Variants in SPINK5 observed in about 807,000 individuals in gnomAD.
SPINK5 encodes the protein serine peptidase inhibitor Kazal type 5, also known as serine protease inhibitor Kazal-type 5.
SPINK5 carries 125 observed loss-of-function variants against 151.8 expected under a neutral mutation model. That is an observed-to-expected ratio of 0.82 (90% CI 0.71 to 0.96). SPINK5 has a LOEUF of 0.96. Among genes scored for constraint, SPINK5 ranks in the 40% least tolerant of loss-of-function variants. The pLI is 0.00. For missense variants in SPINK5, 1,194 were observed against 1,291.9 expected, an observed-to-expected ratio of 0.92 and a Z score of 1.16; for synonymous variants, 374 against 395.3, an observed-to-expected ratio of 0.95 and a Z score of 0.64.
intron 30 of SPINK5, among the ~76,000 whole-genome samples, chr5:148,128,693 T>G (rs1045714092): frequency 6.6e-6 from 1 of 152,028 alleles, no homozygotes; most frequent in African/African-American, 2.4e-5. Context: ...CACGCTAATT[T>G]TTTGTATTTT....
chr5:148,094,455 C>CA lies in SPINK5; in HGVS notation c.771dup (p.Cys258MetfsTer6). ...GCCCTGACGGCAGGATGCATGGCAA[C>CA]AAATGTGCCCTGTGTGCTGAAATTT... On this transcript the variant is annotated frameshift_variant, in exon 9 of 33. Coordinates refer to ENST00000256084, the MANE Select transcript of SPINK5 (RefSeq NM_006846.4). LOFTEE classifies it high-confidence loss of function. 6.2e-7 allele frequency: 1 copy of CA among 1,612,706 alleles called. No individual in the cohort carries two copies. Among genetic ancestry groups the CA allele is most frequent in the Non-Finnish European group, 8.5e-7 (1 of 1,179,074 alleles).
chr5:148,106,157 T>C (rs1161734689), intron 16 of SPINK5, among the ~76,000 whole-genome samples: 1 of 152,104 alleles, frequency 6.6e-6, no homozygotes, highest in Non-Finnish European at 1.5e-5. Flanking sequence ...TATTAACATA[T>C]TCCTCCTTCT....
intron 15 of SPINK5, among the ~76,000 whole-genome samples, chr5:148,104,192 C>T (rs370804824): frequency 1.3e-5 from 2 of 152,130 alleles, no homozygotes; most frequent in Non-Finnish European, 2.9e-5. Flanking sequence ...TTTATTACCT[C>T]TTCTATTCCT....
intron 5 of SPINK5, among the ~76,000 whole-genome samples, chr5:148,086,898 T>C (rs1753172033): frequency 6.7e-6 from 1 of 149,442 alleles, no homozygotes; most frequent in African/African-American, 2.4e-5. Flanking sequence ...TAATAAAATA[T>C]AGACTTATGA....
intron 16 of SPINK5, among the ~76,000 whole-genome samples, chr5:148,105,432 T>C (rs1753755738): frequency 6.6e-6 from 1 of 152,190 alleles, no homozygotes; most frequent in African/African-American, 2.4e-5. Context: ...CACCCAGCTA[T>C]GGAGCAAGTG....
chr5:148,091,365 C>A, intron 8 of SPINK5, 137 bp downstream of exon 8: 1 of 731,566 alleles, frequency 1.4e-6, no homozygotes, highest in Non-Finnish European at 2.3e-6. Context: ...CAAAATTCCC[C>A]AAATTGACTA....
intron 20 of SPINK5, 115 bp from the exon 21 acceptor site, chr5:148,114,247 A>AT: frequency 1.6e-6 from 2 of 1,264,178 alleles, no homozygotes; most frequent in Non-Finnish European, 2.1e-6. Context: ...CCAGAAAAAA[A>AT]ATTCTCAGGT....
rs147242208 is a variant in SPINK5, at chr5:148,096,019, CACT to C, written c.882+119_882+121del. On this transcript the variant is annotated intron_variant, in intron 10 of 32. Transcript: ENST00000256084. ...TTTCAATATTGTTTAATATTTTCCA[CACT>C]ACTAGTAGGTTTGCTGGAAACTAAT... 11,191 of 852,028 alleles carry C rather than the reference CACT, an allele frequency of 0.013. 869 individuals are homozygous for C. The African/African-American group carries it at 0.17, about 13-fold the overall frequency. 52.8% of individuals were successfully genotyped at this position (852,028 alleles called of 1,614,324 possible). A position where few individuals can be genotyped will look rare whatever the true frequency, so the allele number is the denominator to read the frequency against.
chr5:148,134,353 C>T (rs1033086966), intron 32 of SPINK5, among the ~76,000 whole-genome samples: 6 of 152,126 alleles, frequency 3.9e-5, no homozygotes, highest in Admixed American at 6.6e-5. Flanking sequence ...GATGTTTCAA[C>T]GTACGTTACT....
chr5:148,093,245 T>C (rs1753361181), intron 8 of SPINK5, among the ~76,000 whole-genome samples: 1 of 151,930 alleles, frequency 6.6e-6, no homozygotes, highest in Non-Finnish European at 1.5e-5. Context: ...TTTGGTAAAG[T>C]TTAGCCCTCC....
At chr5:148,098,758 A>G (rs4705223) in intron 11 of SPINK5, among the ~76,000 whole-genome samples, 113,905 of 151,808 alleles carry the variant, frequency 0.75, 43,866 homozygotes, top group East Asian at 0.93. Context: ...ACATGGTGTG[A>G]TAGATAGACC....
intron 18 of SPINK5, among the ~76,000 whole-genome samples, chr5:148,110,394 T>G (rs1753894452): frequency 6.6e-6 from 1 of 152,166 alleles, no homozygotes; most frequent in African/African-American, 2.4e-5. Flanking sequence ...ATATCCCTCT[T>G]GTCTACCAAA....
chr5:148,104,947 TAAAGTC>T lies in SPINK5; in HGVS notation c.1431-2_1434del. On this transcript the variant is annotated splice_acceptor_variant and splice_polypyrimidine_tract_variant and coding_sequence_variant and intron_variant, in exon 16 of 33. Coordinates refer to ENST00000256084, the MANE Select transcript of SPINK5 (RefSeq NM_006846.4). LOFTEE classifies it high-confidence loss of function. ...TTCTCTCTTTTTCTTTTCGGTTTCT[TAAAGTC>T]AACAAGAAGAAAGAGCAAGAGCAAA... The T allele has an allele frequency of 6.2e-7, 1 of 1,611,880 alleles. No individual in the cohort carries two copies. The highest frequency in any genetic ancestry group is 8.5e-7 in the Non-Finnish European group (1 of 1,179,130).
intron 30 of SPINK5, among the ~76,000 whole-genome samples, chr5:148,129,376 C>T (rs10062167): frequency 0.04 from 6,061 of 152,182 alleles, 411 homozygotes; most frequent in African/African-American, 0.14. Flanking sequence ...TTAGCTATTG[C>T]AGTTGTCTAC....
intron 10 of SPINK5, among the ~76,000 whole-genome samples, chr5:148,096,782 C>CT (rs1213979037): frequency 3.4e-5 from 3 of 88,204 alleles, no homozygotes; most frequent in African/African-American, 1.5e-4. Flanking sequence ...TTCTTTCTTT[C>CT]TTTTTTTTCT....
At position 148,096,935 on chromosome 5, in the gene SPINK5, T is replaced by C. The variant is rs1422069435; in HGVS notation, c.883-932T>C. 2.0e-5 allele frequency among the ~76,000 whole-genome samples: 3 copies of C among 151,774 alleles called. No homozygotes were observed. In the South Asian group the frequency reaches 6.2e-4, roughly 31 times the overall value. ...CACTACACATAGCTTAAGCCTCATTTTGAACTGCTTTCTTCCCCTCAGTCC... is the reference window on the plus strand; with the variant it reads ...CACTACACATAGCTTAAGCCTCATTCTGAACTGCTTTCTTCCCCTCAGTCC... On this transcript the variant is annotated intron_variant, in intron 10 of 32. Transcript: ENST00000256084.
intron 2 of SPINK5, among the ~76,000 whole-genome samples, chr5:148,066,557 G>C (rs1752590986): frequency 1.3e-5 from 2 of 152,052 alleles, no homozygotes. Context: ...GAGTGTTCTA[G>C]AGAATTTTAT....
Position 148,099,332 on chromosome 5 carries a change from C to A in SPINK5, c.1092+17C>A. On this transcript the variant is annotated intron_variant, in intron 12 of 32. Coordinates refer to ENST00000256084, the MANE Select transcript of SPINK5 (RefSeq NM_006846.4). Reference sequence around the variant, plus strand: ...TCATATGCAGTGAGTGGAATCCATCCAATAAATCCTATTTGGTGCTATAAT... The same window carrying A: ...TCATATGCAGTGAGTGGAATCCATCAAATAAATCCTATTTGGTGCTATAAT... The A allele has an allele frequency of 1.2e-6, 2 of 1,607,496 alleles. No homozygotes were observed. The highest frequency in any genetic ancestry group is 1.7e-6 in the Non-Finnish European group (2 of 1,175,248).
In SPINK5 at chr5:148,100,529, G is replaced by A; in HGVS notation, c.1168G>A (p.Gly390Ser). 1 of 1,613,230 alleles carries A rather than the reference G, an allele frequency of 6.2e-7. No homozygotes were observed. Among genetic ancestry groups the A allele is most frequent in the Non-Finnish European group, 8.5e-7 (1 of 1,179,442 alleles). ...ACTRENDPIQ[G>S]PDGKVHGNTC... ...CACCAGAGAGAACGATCCTATCCAG[G>A]GCCCAGATGGGAAAGTGCATGGCAA... Residue 390 changes from glycine to serine, a missense_variant, in exon 13 of 33, where the codon GGC (glycine) becomes AGC (serine). Transcript: ENST00000256084.
Sources: allele counts gnomAD v4.1 joint callset (sites outside exome capture counted in the v4.1 genomes callset), GRCh38; gene constraint gnomAD v4.1.1; transcripts MANE v1.5; gene names NCBI Gene and HGNC (gene_info 2026-07-23, HGNC 2026-07-21).